The following SHANK2 variants were observed in gnomAD, a reference collection of about 807,000 sequenced individuals.
SHANK2 encodes SH3 and multiple ankyrin repeat domains 2.
A neutral mutation model predicts 133.7 loss-of-function variants in SHANK2; 43 were observed. The observed-to-expected ratio is 0.32, with a 90% CI of 0.25 to 0.41. The LOEUF is 0.41. Ranked by LOEUF, SHANK2 falls within the 10% of genes least tolerant of loss-of-function variation. The probability of loss-of-function intolerance (pLI) is 1.00; values close to 1 mark genes in which losing one functional copy is unlikely to be tolerated. For synonymous variants in SHANK2, 1,017 were observed against 952.8 expected (o/e 1.07, Z -1.24); for missense variants, 1,994 against 2,235.8 (o/e 0.89, Z 2.18).
chr11:70,939,420 G>T (rs1950615124), intron 10 of SHANK2, among the ~76,000 whole-genome samples: 1 of 152,214 alleles, frequency 6.6e-6, no homozygotes, highest in South Asian at 2.1e-4. Context: ...GGAGGTTGCA[G>T]TGAGCCGAGA....
intron 10 of SHANK2, among the ~76,000 whole-genome samples, chr11:70,902,255 C>G (rs1255081728): frequency 6.6e-6 from 1 of 152,244 alleles, no homozygotes; most frequent in Non-Finnish European, 1.5e-5. Context: ...TATCTGCTGG[C>G]TGGGAAGGAG....
chr11:70,500,952 C>A lies in SHANK2; in HGVS notation c.2288-362G>T, dbSNP rs200156862. Among the ~76,000 whole-genome samples, 9 of 152,346 alleles carry A rather than the reference C, an allele frequency of 5.9e-5. No homozygotes were observed. In the East Asian group the frequency reaches 1.7e-3, roughly 29 times the overall value. ...GGTGGCGGGGCCAGCCTTTAGAGTG[C>A]ACCTGTGGCCTTTCCTGCCTCATTC... On this transcript the variant is annotated intron_variant, in intron 20 of 25. Transcript: ENST00000601538. The surrounding 1 kb of genome is among the most constrained non-coding windows in gnomAD (Gnocchi z 4.5).
At chr11:70,938,633 C>T (rs781980813) in intron 10 of SHANK2, among the ~76,000 whole-genome samples, 5 of 152,168 alleles carry the variant, frequency 3.3e-5, no homozygotes, top group African/African-American at 4.8e-5. Flanking sequence ...CCTTTGGAAA[C>T]GCGGCTTCTA....
At chr11:70,525,552 C>T (rs185366952) in intron 17 of SHANK2, among the ~76,000 whole-genome samples, 1 of 152,038 alleles carries the variant, frequency 6.6e-6, no homozygotes, top group African/African-American at 2.4e-5. Context: ...AAACGAGCTT[C>T]GAGGTAGGGG....
chr11:70,732,819 C>T (rs552469199), intron 14 of SHANK2, among the ~76,000 whole-genome samples: 2 of 152,244 alleles, frequency 1.3e-5, no homozygotes, highest in South Asian at 4.1e-4. Context: ...GCAGCTGCTT[C>T]ACATCCCCAG....
At chr11:70,619,698 A>G (rs2060803976) in intron 17 of SHANK2, among the ~76,000 whole-genome samples, 1 of 152,186 alleles carries the variant, frequency 6.6e-6, no homozygotes, top group African/African-American at 2.4e-5. Context: ...CCTTCCAGGC[A>G]GTGATAACGC....
At position 71,063,214 on chromosome 11, in the gene SHANK2, A is replaced by T. The variant is rs894312916; in HGVS notation, c.1030-6656T>A. Among the ~76,000 whole-genome samples, 21 of 152,332 alleles carry T rather than the reference A, an allele frequency of 1.4e-4. No homozygotes were observed. The South Asian group carries it at 3.9e-3, about 29-fold the overall frequency. ...GCAGGCACTGCCATTCCAGGGCGAT[A>T]CAGTTAGGATCCAAGAAAAATCCTC... On this transcript the variant is annotated intron_variant, in intron 9 of 25. Transcript: ENST00000601538.
At chr11:70,761,916 C>G (rs1456953148) in intron 14 of SHANK2, among the ~76,000 whole-genome samples, 2 of 147,520 alleles carry the variant, frequency 1.4e-5, no homozygotes, top group Non-Finnish European at 3.0e-5. Flanking sequence ...TAGCAAGTTC[C>G]CGGCTGCTGC....
chr11:70,559,742 C>T (rs933322437), intron 17 of SHANK2, among the ~76,000 whole-genome samples: 6 of 152,146 alleles, frequency 3.9e-5, no homozygotes, highest in African/African-American at 1.2e-4. Flanking sequence ...AAACAGAAGA[C>T]GGTGCGCCCT....
chr11:71,123,230 G>C (rs1409102923), intron 3 of SHANK2, among the ~76,000 whole-genome samples: 1 of 152,178 alleles, frequency 6.6e-6, no homozygotes, highest in African/African-American at 2.4e-5. Context: ...ACACAGTACA[G>C]GTGACTGACA....
At chr11:70,943,196 T>C in intron 10 of SHANK2, 2 of 421,904 alleles carry the variant, frequency 4.7e-6, no homozygotes, top group Non-Finnish European at 9.5e-6. Flanking sequence ...GTCACCGACA[T>C]GTTCAAAGGG....
intron 17 of SHANK2, among the ~76,000 whole-genome samples, chr11:70,586,142 G>C (rs571302926): frequency 3.9e-5 from 6 of 152,258 alleles, no homozygotes; most frequent in Admixed American, 1.3e-4. Context: ...ACATGGTGGA[G>C]GCTATTCTAA....
intron 17 of SHANK2, among the ~76,000 whole-genome samples, chr11:70,540,651 G>C (rs1477135647): frequency 6.6e-6 from 1 of 151,988 alleles, no homozygotes; most frequent in Non-Finnish European, 1.5e-5. Context: ...CTGTACTGCG[G>C]TAAAATCCAT....
chr11:71,194,863 A>C (rs1953867345), intron 2 of SHANK2, among the ~76,000 whole-genome samples: 2 of 152,164 alleles, frequency 1.3e-5, no homozygotes. Flanking sequence ...CATGAGGAAG[A>C]AGCAAATCCT....
intron 17 of SHANK2, among the ~76,000 whole-genome samples, chr11:70,595,938 G>A (rs1267857800): frequency 2.0e-5 from 3 of 152,216 alleles, no homozygotes; most frequent in South Asian, 2.1e-4. Flanking sequence ...AAAACAGAGC[G>A]GGGTTTCAGT....
intron 10 of SHANK2, among the ~76,000 whole-genome samples, chr11:70,911,884 C>G (rs756835108): frequency 2.3e-4 from 35 of 151,828 alleles, no homozygotes; most frequent in Non-Finnish European, 3.8e-4. Context: ...GAGTTTGAGA[C>G]CAGCCTGGCC....
At chr11:70,885,249 T>G (rs1324405027) in intron 11 of SHANK2, among the ~76,000 whole-genome samples, 1 of 151,770 alleles carries the variant, frequency 6.6e-6, no homozygotes, top group African/African-American at 2.4e-5. Context: ...CAGTGGAGAC[T>G]CTCTGAGCTT....
At chr11:70,706,762 C>T (rs1555025015) in intron 14 of SHANK2, among the ~76,000 whole-genome samples, 1 of 150,910 alleles carries the variant, frequency 6.6e-6, no homozygotes, top group South Asian at 2.1e-4. Context: ...AAAAAAAAGG[C>T]CAAACCTAGA....
chr11:71,135,480 ATG>A lies in SHANK2; in HGVS notation c.207+11638_207+11639del, dbSNP rs1487589173. ...GGTGTGTGCCCAGACTAGGGGGGAT[ATG>A]TTTTTTTTTTTTTTTTTTTTTGAGA... On this transcript the variant is annotated intron_variant, in intron 3 of 25. Coordinates refer to ENST00000601538, the MANE Select transcript of SHANK2 (RefSeq NM_012309.5). Among the ~76,000 whole-genome samples, 7 of 130,362 alleles carry A rather than the reference ATG, an allele frequency of 5.4e-5. No individual in the cohort carries two copies. The East Asian group carries it at 1.0e-3, about 19-fold the overall frequency. 85.5% of individuals were successfully genotyped at this position (130,362 alleles called of 152,430 possible). A position where few individuals can be genotyped will look rare whatever the true frequency, so the allele number is the denominator to read the frequency against.
Sources: allele counts gnomAD v4.1 joint callset (sites outside exome capture counted in the v4.1 genomes callset), GRCh38; gene constraint gnomAD v4.1.1; non-coding constraint Gnocchi (gnomAD v3.1); transcripts MANE v1.5; gene names NCBI Gene and HGNC (gene_info 2026-07-23, HGNC 2026-07-21).